L3HYPDH: variants seen among roughly 807,000 people sequenced by gnomAD.
The protein encoded by L3HYPDH is trans-L-3-hydroxyproline dehydratase, also known as trans-3-hydroxy-L-proline dehydratase.
Under a neutral mutation model 26.5 loss-of-function variants are expected in L3HYPDH, and 32 were observed. The observed-to-expected ratio is 1.21, with a 90% CI of 0.91 to 1.62. The LOEUF (loss-of-function observed/expected upper bound fraction) is 1.62, where lower values mean the gene tolerates loss of function less well. L3HYPDH is among the 40% of genes most tolerant of loss of function. The probability of loss-of-function intolerance (pLI) is 0.00; values close to 1 mark genes in which losing one functional copy is unlikely to be tolerated. For missense variants in L3HYPDH, 554 were observed against 476.4 expected (o/e 1.16, Z -1.52); for synonymous variants, 215 against 196.6 (o/e 1.09, Z -0.78).
At chr14:59,485,164 C>T, upstream of L3HYPDH, 5 of 1,585,518 alleles carry the variant, frequency 3.2e-6, no homozygotes, top group Non-Finnish European at 4.3e-6. Flanking sequence ...TACTGGTTTT[C>T]AGGCCTTGGA....
chr14:59,465,754 C>T (rs940208112), intron 1 of L3HYPDH, among the ~76,000 whole-genome samples: 1 of 152,160 alleles, frequency 6.6e-6, no homozygotes, highest in Admixed American at 6.5e-5. Context: ...AAGAAAAATC[C>T]AGAAGTCTAC....
chr14:59,504,224 T>G, the L3HYPDH span: 1 of 618,814 alleles, frequency 1.6e-6, no homozygotes, highest in Non-Finnish European at 2.8e-6. Flanking sequence ...TTGTTTATGG[T>G]TAGACTTACA....
In L3HYPDH at chr14:59,484,060, G is replaced by C. The variant is rs753190024; in HGVS notation, c.257C>G (p.Pro86Arg). 1.2e-6 allele frequency: 2 copies of C among 1,606,946 alleles called. No individual in the cohort carries two copies. Among genetic ancestry groups the C allele is most frequent in the Non-Finnish European group, 1.7e-6 (2 of 1,179,570 alleles). Residue 86 changes from proline (P) to arginine (R), a missense_variant, in exon 1 of 5, where the codon CCG (proline) becomes CGG (arginine). Pro to Arg is a moderately radical substitution (Grantham distance 103). Coordinates refer to ENST00000247194, the MANE Select transcript of L3HYPDH (RefSeq NM_144581.2). Reference sequence around the variant, plus strand: ...GAACAGGACGCCCAGATGCGCGTCCGGCAGCTCGCTCGGGACTAGGACCGC... The same window carrying C: ...GAACAGGACGCCCAGATGCGCGTCCCGCAGCTCGCTCGGGACTAGGACCGC... ...YGAVLVPSELPDAHLGVLFLH... is the reference protein window; with the variant it reads ...YGAVLVPSELRDAHLGVLFLH...
At chr14:59,500,197 A>T in the L3HYPDH span, among the ~76,000 whole-genome samples, 1 of 152,198 alleles carries the variant, frequency 6.6e-6, no homozygotes, top group South Asian at 2.1e-4. Flanking sequence ...TGTCTATGAA[A>T]TAAAAAGTTA....
At chr14:59,484,605 C>T (rs1321579469), upstream of L3HYPDH, 2 of 1,579,112 alleles carry the variant, frequency 1.3e-6, no homozygotes, top group East Asian at 2.3e-5. Context: ...TGAGTGGTCG[C>T]CAAGATCCCG....
chr14:59,475,499 C>T (rs1221832127), intron 4 of L3HYPDH, among the ~76,000 whole-genome samples: 1 of 152,178 alleles, frequency 6.6e-6, no homozygotes, highest in African/African-American at 2.4e-5. Context: ...TCATGTCTGG[C>T]TTAACAGAAG....
In L3HYPDH at chr14:59,484,246, T is replaced by G. The variant is rs1301146309; in HGVS notation, c.71A>C (p.Asp24Ala). ...DPGTPVLSVV[D>A]MHTGGEPLRI... ...CAAGGGCTCGCCGCCCGTGTGCATG[T>G]CCACCACCGACAGCACCGGCGTCCC... The change falls in exon 1 of 5, where the codon GAC becomes GCC. Residue 24 changes from aspartate to alanine, a missense_variant. Physicochemically the swap from Asp to Ala is moderately radical, Grantham distance 126. Transcript: ENST00000247194. 4.4e-6 allele frequency: 7 copies of G among 1,597,930 alleles called. No individual in the cohort carries two copies. The Admixed American group carries it at 5.0e-5, about 11-fold the overall frequency.
intron 2 of L3HYPDH, among the ~76,000 whole-genome samples, chr14:59,478,442 G>T (rs1159888214): frequency 2.0e-5 from 3 of 151,982 alleles, no homozygotes; most frequent in Admixed American, 2.0e-4. Flanking sequence ...GATTTAGCTG[G>T]GTGTGATGGG....
upstream of L3HYPDH, among the ~76,000 whole-genome samples, chr14:59,488,426 A>G (rs1890746695): frequency 6.6e-6 from 1 of 152,178 alleles, no homozygotes. Context: ...CAAAGAACAG[A>G]GAGATAAATT....
At position 59,484,358 on chromosome 14, in the gene L3HYPDH, C is replaced by T. The variant is rs757810944; in HGVS notation, c.-42G>A. ...GACGAGTACGGTCCCGCAGCTATGGCTTCAAGCCCGACCCTCACCCACTGA... is the reference window on the plus strand; with the variant it reads ...GACGAGTACGGTCCCGCAGCTATGGTTTCAAGCCCGACCCTCACCCACTGA... On this transcript the variant is annotated 5_prime_UTR_variant, in exon 1 of 5. Coordinates refer to ENST00000247194, the MANE Select transcript of L3HYPDH (RefSeq NM_144581.2). 1.9e-5 allele frequency: 30 copies of T among 1,539,302 alleles called. No homozygotes were observed. The highest frequency in any genetic ancestry group is 2.6e-5 in the Non-Finnish European group (30 of 1,145,704).
upstream of L3HYPDH, chr14:59,484,763 T>C: frequency 1.0e-6 from 1 of 975,722 alleles, no homozygotes; most frequent in South Asian, 1.6e-5. Flanking sequence ...GGGGTTGGGG[T>C]GGTCTGTCCG....
chr14:59,502,783 A>C, the L3HYPDH span, among the ~76,000 whole-genome samples: 1 of 702 alleles, frequency 1.4e-3, no homozygotes, highest in Non-Finnish European at 6.4e-3. Flanking sequence ...TCGGAGTCTC[A>C]CTCTGTCGCT....
chr14:59,494,270 A>C, the L3HYPDH span, among the ~76,000 whole-genome samples: 1 of 152,290 alleles, frequency 6.6e-6, no homozygotes, highest in South Asian at 2.1e-4. Context: ...AGAAAGTGAA[A>C]ATTGAGCCCA....
the L3HYPDH span, among the ~76,000 whole-genome samples, chr14:59,491,237 G>A: frequency 6.6e-6 from 1 of 152,228 alleles, no homozygotes; most frequent in Non-Finnish European, 1.5e-5. Context: ...ATGCCCAGAT[G>A]TGTGGAGGCA....
At chr14:59,502,755 T>TGTTTTGTTTTGTTTTG in the L3HYPDH span, among the ~76,000 whole-genome samples, 461 of 122,844 alleles carry the variant, frequency 3.8e-3, 21 homozygotes, top group Middle Eastern at 0.014. Flanking sequence ...ATGAGATTTT[T>TGTTTTGTTTTGTTTTG]TTTTTTTTTT....
chr14:59,478,452 G>A (rs928622786), intron 2 of L3HYPDH, among the ~76,000 whole-genome samples: 6 of 152,098 alleles, frequency 3.9e-5, no homozygotes, highest in African/African-American at 1.2e-4. Context: ...GGTGTGATGG[G>A]GCATGCCTGT....
chr14:59,469,853 G>A (rs780261043), downstream of L3HYPDH, among the ~76,000 whole-genome samples: 25 of 152,210 alleles, frequency 1.6e-4, no homozygotes, highest in Non-Finnish European at 2.9e-4. Context: ...GGATGTGGAT[G>A]TGGTTAGTCT....
chr14:59,469,132 A>G (rs1261295941), downstream of L3HYPDH, among the ~76,000 whole-genome samples: 1 of 152,210 alleles, frequency 6.6e-6, no homozygotes, highest in Non-Finnish European at 1.5e-5. Flanking sequence ...TTCAGTTTTC[A>G]GACCTTATGT....
chr14:59,498,804 T>C, the L3HYPDH span: 3 of 1,609,858 alleles, frequency 1.9e-6, no homozygotes, highest in African/African-American at 2.7e-5. Context: ...GTGAAGAAGA[T>C]TGCATGTGGG....
Sources: allele counts gnomAD v4.1 joint callset (sites outside exome capture counted in the v4.1 genomes callset), GRCh38; gene constraint gnomAD v4.1.1; transcripts MANE v1.5; gene names NCBI Gene and HGNC (gene_info 2026-07-23, HGNC 2026-07-21).